The following TTLL11 variants were observed in gnomAD, a reference collection of about 807,000 sequenced individuals.
The protein encoded by TTLL11 is tubulin polyglutamylase TTLL11.
Under a neutral mutation model 51.7 loss-of-function variants are expected in TTLL11, and 42 were observed. The observed-to-expected ratio is 0.81, with a 90% CI of 0.64 to 1.05. TTLL11 has a LOEUF of 1.05. Among genes scored for constraint, TTLL11 ranks in the 50% least tolerant of loss-of-function variants. The pLI, the probability that TTLL11 is intolerant of heterozygous loss-of-function variation, is 0.00. For missense variants in TTLL11, 799 were observed against 940.4 expected, an observed-to-expected ratio of 0.85 and a Z score of 1.97; for synonymous variants, 381 against 383.5, an observed-to-expected ratio of 0.99 and a Z score of 0.08.
At chr9:122,044,881 G>A (rs139951231) in intron 1 of TTLL11, among the ~76,000 whole-genome samples, 4 of 152,066 alleles carry the variant, frequency 2.6e-5, no homozygotes, top group South Asian at 2.1e-4. Flanking sequence ...AGGCTGACGC[G>A]GGAGGAGTTC....
Position 121,870,478 on chromosome 9 carries a change from G to T in TTLL11, c.1733+19C>A, listed in dbSNP as rs1258727377. On this transcript the variant is annotated intron_variant, in intron 7 of 8. Coordinates refer to ENST00000321582, the MANE Select transcript of TTLL11 (RefSeq NM_001139442.2). ...CACCCAGCCCAAAGCCCAAGCCAGA[G>T]GGGGCTGTTCTCACTGACCTTATGA... 1.3e-6 allele frequency: 2 copies of T among 1,548,216 alleles called. No individual in the cohort carries two copies. The highest frequency in any genetic ancestry group is 2.0e-5 in the Admixed American group (1 of 50,816).
At chr9:121,940,427 T>G (rs1361101865) in intron 6 of TTLL11, among the ~76,000 whole-genome samples, 1 of 151,610 alleles carries the variant, frequency 6.6e-6, no homozygotes, top group Non-Finnish European at 1.5e-5. Flanking sequence ...AACCTCTGCC[T>G]CCCAGGTTCA....
intron 3 of TTLL11, among the ~76,000 whole-genome samples, chr9:121,997,187 CA>C (rs1843300005): frequency 6.6e-6 from 1 of 152,040 alleles, no homozygotes; most frequent in African/African-American, 2.4e-5. Context: ...TAGTGAGCAA[CA>C]AAAAAGCCTC....
In TTLL11 at chr9:122,032,837, C is replaced by T. The variant is rs114525858; in HGVS notation, c.560-981G>A. Among the ~76,000 whole-genome samples the T allele has an allele frequency of 5.3e-3, 804 of 150,372 alleles. 8 individuals are homozygous for T. The highest frequency in any genetic ancestry group is 0.019 in the African/African-American group (776 of 40,638). On this transcript the variant is annotated intron_variant, in intron 2 of 8. Transcript: ENST00000321582. ...TGAAACACAGCCTTGCTTTAATGCC[C>T]AGGCTGGAGTGCAGTGGCATGATCT...
At chr9:121,985,810 G>A (rs1349840014) in intron 4 of TTLL11, among the ~76,000 whole-genome samples, 8 of 152,064 alleles carry the variant, frequency 5.3e-5, no homozygotes, top group African/African-American at 9.7e-5. Flanking sequence ...GTGAGCCACC[G>A]CGCCCGGCCC....
intron 6 of TTLL11, chr9:121,885,604 T>G (rs1438476568): frequency 1.3e-5 from 2 of 152,260 alleles, no homozygotes; most frequent in Non-Finnish European, 2.9e-5. Flanking sequence ...TGGCATAATT[T>G]GCCCAAGGTC....
intron 6 of TTLL11, among the ~76,000 whole-genome samples, chr9:121,941,918 C>T (rs1841488609): frequency 6.6e-6 from 1 of 152,160 alleles, no homozygotes; most frequent in African/African-American, 2.4e-5. Context: ...CCTCCAAACA[C>T]TCTGACCCTT....
Position 121,872,986 on chromosome 9 carries a change from G to A in TTLL11, c.1482-2238C>T, listed in dbSNP as rs116049962. 2.7e-3 allele frequency among the ~76,000 whole-genome samples: 418 copies of A among 152,282 alleles called. 1 individual carries two copies. The highest frequency in any genetic ancestry group is 9.2e-3 in the African/African-American group (382 of 41,534). On this transcript the variant is annotated intron_variant, in intron 6 of 8. Coordinates refer to ENST00000321582, the MANE Select transcript of TTLL11 (RefSeq NM_001139442.2). The stretch of plus-strand genomic sequence containing the variant: ...TTGAAATGAAATGTTTTCCCATTAA[G>A]GTTATAGGAAGAAAGATGAGAAAAA...
chr9:122,052,190 G>A (rs1215356038), intron 1 of TTLL11, among the ~76,000 whole-genome samples: 1 of 152,154 alleles, frequency 6.6e-6, no homozygotes, highest in Non-Finnish European at 1.5e-5. Flanking sequence ...AGGGAGGCCC[G>A]CTCACTTCTC....
intron 1 of TTLL11, among the ~76,000 whole-genome samples, chr9:122,083,013 G>A (rs1297478507): frequency 6.6e-6 from 1 of 152,098 alleles, no homozygotes; most frequent in Non-Finnish European, 1.5e-5. Flanking sequence ...CAACCTGGGC[G>A]ACAGAGCAAG....
At chr9:121,959,207 C>A (rs1842129777) in intron 6 of TTLL11, among the ~76,000 whole-genome samples, 1 of 152,134 alleles carries the variant, frequency 6.6e-6, no homozygotes, top group Non-Finnish European at 1.5e-5. Flanking sequence ...GATCTGAACC[C>A]AGACCTCCTG....
intron 6 of TTLL11, among the ~76,000 whole-genome samples, chr9:121,904,570 C>T (rs1001744592): frequency 2.6e-5 from 4 of 152,234 alleles, no homozygotes; most frequent in Admixed American, 6.5e-5. Flanking sequence ...GCCCAACAAT[C>T]GCCTTTGCCC....
intron 8 of TTLL11, among the ~76,000 whole-genome samples, chr9:121,849,326 C>A (rs531884368): frequency 2.8e-4 from 43 of 152,240 alleles, no homozygotes; most frequent in African/African-American, 9.6e-4. Context: ...GGGAGAAAAT[C>A]TAGATGACCT....
intron 4 of TTLL11, among the ~76,000 whole-genome samples, chr9:121,975,999 AT>A (rs1842700445): frequency 6.6e-6 from 1 of 152,186 alleles, no homozygotes; most frequent in South Asian, 2.1e-4. Flanking sequence ...AGGAAGGCCA[AT>A]GGATTTCCCA....
At chr9:122,065,873 T>C (rs904215593) in intron 1 of TTLL11, among the ~76,000 whole-genome samples, 2 of 152,138 alleles carry the variant, frequency 1.3e-5, no homozygotes, top group Non-Finnish European at 2.9e-5. Context: ...TGTACTAATA[T>C]GTAATCAGCA....
At chr9:121,889,907 G>GC (rs1839158572) in intron 6 of TTLL11, among the ~76,000 whole-genome samples, 1 of 151,574 alleles carries the variant, frequency 6.6e-6, no homozygotes, top group Non-Finnish European at 1.5e-5. Context: ...CTTGGGCGGG[G>GC]CGGGGGGGGA....
At chr9:121,835,059 G>C (rs1243560395) in intron 8 of TTLL11, among the ~76,000 whole-genome samples, 2 of 152,164 alleles carry the variant, frequency 1.3e-5, no homozygotes, top group Non-Finnish European at 2.9e-5. Flanking sequence ...GTGTGGCTTT[G>C]AACTGGTCAC....
At chr9:122,034,989 TAAG>T (rs1231983054) in intron 2 of TTLL11, among the ~76,000 whole-genome samples, 2 of 152,234 alleles carry the variant, frequency 1.3e-5, no homozygotes, top group Non-Finnish European at 2.9e-5. Context: ...TCCAACCAGA[TAAG>T]AAGGATTTTA....
At chr9:121,940,805 A>G (rs2131579948) in intron 6 of TTLL11, among the ~76,000 whole-genome samples, 1 of 152,228 alleles carries the variant, frequency 6.6e-6, no homozygotes, top group Non-Finnish European at 1.5e-5. Context: ...CTCTTTTTCT[A>G]TTTCATATAA....
Sources: allele counts gnomAD v4.1 joint callset (sites outside exome capture counted in the v4.1 genomes callset), GRCh38; gene constraint gnomAD v4.1.1; transcripts MANE v1.5; gene names NCBI Gene and HGNC (gene_info 2026-07-23, HGNC 2026-07-21).